The following UBE2D1 variants were observed in gnomAD, a reference collection of about 807,000 sequenced individuals.
The protein encoded by UBE2D1 is ubiquitin conjugating enzyme E2 D1.
Under a neutral mutation model 24.6 loss-of-function variants are expected in UBE2D1, and 9 were observed. That is an observed-to-expected ratio of 0.37 (90% confidence interval 0.22 to 0.64). The LOEUF (loss-of-function observed/expected upper bound fraction) is 0.64, where lower values mean the gene tolerates loss of function less well. Among genes scored for constraint, UBE2D1 ranks in the 30% least tolerant of loss-of-function variants. The pLI is 0.64. For synonymous variants in UBE2D1, 57 were observed against 57.6 expected (o/e 0.99, Z 0.04); for missense variants, 87 against 177.1 (o/e 0.49, Z 2.89).
chr10:58,365,519 T>A (rs1403977695), intron 5 of UBE2D1, among the ~76,000 whole-genome samples: 1 of 152,250 alleles, frequency 6.6e-6, no homozygotes, highest in Non-Finnish European at 1.5e-5. Flanking sequence ...AAACTTCGAA[T>A]AATCAGTAGC....
intron 1 of UBE2D1, among the ~76,000 whole-genome samples, chr10:58,342,100 T>C (rs773063783): frequency 2.0e-5 from 3 of 152,184 alleles, no homozygotes; most frequent in Non-Finnish European, 2.9e-5. Flanking sequence ...GAGATGAATC[T>C]GTGAAGGTTC....
At chr10:58,350,118 C>G (rs916343541) in intron 1 of UBE2D1, among the ~76,000 whole-genome samples, 1 of 152,158 alleles carries the variant, frequency 6.6e-6, no homozygotes, top group African/African-American at 2.4e-5. Flanking sequence ...AATAATGGCA[C>G]TTTGGCATGC....
rs1840294983 is a variant in UBE2D1 at position 58,369,815 on chromosome 10, A to G, written c.*1050A>G. The stretch of plus-strand genomic sequence containing the variant: ...GATCCCTTGCTGTAGAGGAGAATTT[A>G]GAGTAATTTGGGGTTTGTCTTGGAT... On this transcript the variant is annotated 3_prime_UTR_variant, in exon 7 of 7. Coordinates refer to ENST00000373910, the MANE Select transcript of UBE2D1 (RefSeq NM_003338.5). 1 of 152,178 alleles carries G rather than the reference A, an allele frequency of 6.6e-6. No homozygotes were observed. The highest frequency in any genetic ancestry group is 1.9e-4 in the East Asian group (1 of 5,324). 9.4% of individuals were successfully genotyped at this position (152,178 alleles called of 1,614,324 possible). A position where few individuals can be genotyped will look rare whatever the true frequency, so the allele number is the denominator to read the frequency against.
At chr10:58,347,981 A>G (rs564514266) in intron 1 of UBE2D1, among the ~76,000 whole-genome samples, 26 of 152,280 alleles carry the variant, frequency 1.7e-4, no homozygotes, top group Non-Finnish European at 3.8e-4. Flanking sequence ...CACATTCAAT[A>G]TATATGACTG....
At chr10:58,351,174 A>G (rs1840072195) in intron 1 of UBE2D1, among the ~76,000 whole-genome samples, 1 of 152,212 alleles carries the variant, frequency 6.6e-6, no homozygotes, top group African/African-American at 2.4e-5. Context: ...CTTTATAAAC[A>G]CTGTACATAC....
At position 58,369,532 on chromosome 10, in the gene UBE2D1, A is replaced by G. The variant is rs1005475875; in HGVS notation, c.*767A>G. On this transcript the variant is annotated 3_prime_UTR_variant, in exon 7 of 7. Coordinates refer to ENST00000373910, the MANE Select transcript of UBE2D1 (RefSeq NM_003338.5). ...AATTTTTTCCTGTATAGGCAATATT[A>G]TATTGACACCTTTTACAGATCTTAC... The G allele has an allele frequency of 1.2e-4, 19 of 152,526 alleles. No individual in the cohort carries two copies. The highest frequency in any genetic ancestry group is 4.3e-4 in the African/African-American group (18 of 41,438). The allele number at this position is 152,526 out of a possible 1,614,324, so 9.4% of individuals were successfully genotyped here.
At chr10:58,357,487 G>GT (rs1840144955) in intron 1 of UBE2D1, among the ~76,000 whole-genome samples, 1 of 152,000 alleles carries the variant, frequency 6.6e-6, no homozygotes. Flanking sequence ...AAAAAGTGGG[G>GT]TTTTTGTTTG....
At chr10:58,356,824 T>G (rs1270824691) in intron 1 of UBE2D1, among the ~76,000 whole-genome samples, 1 of 152,204 alleles carries the variant, frequency 6.6e-6, no homozygotes, top group Non-Finnish European at 1.5e-5. Flanking sequence ...AATCATTGCT[T>G]TGCTTTTGTA....
chr10:58,366,378 G>T (rs775267294), intron 5 of UBE2D1, among the ~76,000 whole-genome samples: 17 of 152,060 alleles, frequency 1.1e-4, no homozygotes, highest in Non-Finnish European at 2.1e-4. Context: ...GCACATAGTG[G>T]GCACTTACAT....
chr10:58,335,284 C>A, intron 1 of UBE2D1, 59 bp downstream of exon 1: 1 of 1,467,102 alleles, frequency 6.8e-7, no homozygotes, highest in South Asian at 1.3e-5. Flanking sequence ...CACGCTGACT[C>A]GGCCAGTGGT....
At chr10:58,354,009 T>A (rs1840104211) in intron 1 of UBE2D1, among the ~76,000 whole-genome samples, 1 of 152,184 alleles carries the variant, frequency 6.6e-6, no homozygotes, top group African/African-American at 2.4e-5. Flanking sequence ...AAATTCTTAG[T>A]TTTAAAAAAC....
chr10:58,364,097 T>G (rs1840229434), intron 4 of UBE2D1, among the ~76,000 whole-genome samples: 1 of 151,922 alleles, frequency 6.6e-6, no homozygotes, highest in African/African-American at 2.4e-5. Context: ...CACTGGGGAA[T>G]CCGAAAGTAA....
At chr10:58,345,968 T>C (rs751714147) in intron 1 of UBE2D1, among the ~76,000 whole-genome samples, 2 of 152,030 alleles carry the variant, frequency 1.3e-5, no homozygotes, top group Admixed American at 6.6e-5. Flanking sequence ...ATGCAGAAGA[T>C]TGGGGAAGCC....
intron 1 of UBE2D1, among the ~76,000 whole-genome samples, chr10:58,335,459 C>G (rs113306758): frequency 6.6e-6 from 1 of 152,226 alleles, no homozygotes; most frequent in South Asian, 2.1e-4. Flanking sequence ...CGCGCGCGTT[C>G]GCGCCGGAGC....
At chr10:58,348,947 G>A (rs564294312) in intron 1 of UBE2D1, among the ~76,000 whole-genome samples, 6 of 152,252 alleles carry the variant, frequency 3.9e-5, no homozygotes, top group South Asian at 4.1e-4. Context: ...ATTGTGTCTA[G>A]GTTGGTTTTA....
At chr10:58,361,619 A>G in intron 3 of UBE2D1, 93 bp downstream of exon 3, 2 of 1,546,144 alleles carry the variant, frequency 1.3e-6, no homozygotes, top group Non-Finnish European at 1.8e-6. Context: ...ATGAAGGTTG[A>G]ATATTCTTGT....
chr10:58,349,828 T>G (rs1840053586), intron 1 of UBE2D1, among the ~76,000 whole-genome samples: 1 of 152,152 alleles, frequency 6.6e-6, no homozygotes. Flanking sequence ...GTCGTCAAGG[T>G]AAATCACTAT....
chr10:58,350,637 ATTG>A (rs1840064281), intron 1 of UBE2D1, among the ~76,000 whole-genome samples: 1 of 151,440 alleles, frequency 6.6e-6, no homozygotes, highest in Non-Finnish European at 1.5e-5. Flanking sequence ...TTTTTCTTTT[ATTG>A]TTAGTGCTCT....
chr10:58,368,655 TAGAC>T (rs780361057), intron 6 of UBE2D1, 61 bp from the exon 7 acceptor site: 7 of 1,187,626 alleles, frequency 5.9e-6, no homozygotes, highest in East Asian at 2.6e-5. Flanking sequence ...ATAGTTTTAT[TAGAC>T]AGATGCTTCT....
Sources: allele counts gnomAD v4.1 joint callset (sites outside exome capture counted in the v4.1 genomes callset), GRCh38; gene constraint gnomAD v4.1.1; transcripts MANE v1.5; gene names NCBI Gene and HGNC (gene_info 2026-07-23, HGNC 2026-07-21).